The following OTUD7A variants were observed in gnomAD, a reference collection of about 807,000 sequenced individuals.
OTUD7A encodes the protein OTU deubiquitinase 7A.
OTUD7A carries 12 observed loss-of-function variants against 65.7 expected under a neutral mutation model. That is an observed-to-expected ratio of 0.18 (90% CI 0.12 to 0.30). The LOEUF is 0.30. OTUD7A is among the 10% of genes least tolerant of loss of function. The pLI is 1.00. For missense variants in OTUD7A, 1,148 were observed against 1,304.8 expected, an observed-to-expected ratio of 0.88 and a Z score of 1.85; for synonymous variants, 641 against 586.3, an observed-to-expected ratio of 1.09 and a Z score of -1.35.
chr15:31,756,042 C>T (rs1194039907), intron 1 of OTUD7A, among the ~76,000 whole-genome samples: 1 of 152,202 alleles, frequency 6.6e-6, no homozygotes, highest in Non-Finnish European at 1.5e-5. Context: ...CCAGTGGGGA[C>T]TCCGCTGAAG....
intron 8 of OTUD7A, among the ~76,000 whole-genome samples, chr15:31,513,178 C>A (rs2141101344): frequency 6.6e-6 from 1 of 152,332 alleles, no homozygotes; most frequent in South Asian, 2.1e-4. Flanking sequence ...ACCCAATTAA[C>A]CTTATTTTAA....
intron 3 of OTUD7A, 62 bp downstream of exon 3, chr15:31,655,034 T>C: frequency 1.3e-6 from 2 of 1,543,276 alleles, no homozygotes; most frequent in Non-Finnish European, 1.8e-6. Flanking sequence ...ATTGGAAATC[T>C]TCTTATTTGG....
chr15:31,548,215 G>C (rs560908363), intron 5 of OTUD7A, among the ~76,000 whole-genome samples: 8 of 67,262 alleles, frequency 1.2e-4, no homozygotes, highest in South Asian at 8.7e-4. Context: ...TCATCTGTGG[G>C]CGCCCTGGGC....
At chr15:31,771,333 C>T (rs565443744) in intron 1 of OTUD7A, among the ~76,000 whole-genome samples, 1 of 152,310 alleles carries the variant, frequency 6.6e-6, no homozygotes, top group East Asian at 1.9e-4. Flanking sequence ...GCATCTCAAA[C>T]TTAATATGCC....
At chr15:31,767,366 T>C (rs1895117938) in intron 1 of OTUD7A, 1 of 776,758 alleles carries the variant, frequency 1.3e-6, no homozygotes, top group African/African-American at 1.7e-5. Context: ...CAGGGAGATC[T>C]AGAAAATAAT....
intron 1 of OTUD7A, among the ~76,000 whole-genome samples, chr15:31,829,212 G>T (rs536495399): frequency 6.6e-6 from 1 of 152,352 alleles, no homozygotes; most frequent in Admixed American, 6.5e-5. Flanking sequence ...GAGGACAGGG[G>T]TGGCACTAGA....
chr15:31,611,250 A>T (rs1450705985), intron 3 of OTUD7A, among the ~76,000 whole-genome samples: 1 of 152,216 alleles, frequency 6.6e-6, no homozygotes, highest in Admixed American at 6.5e-5. Context: ...AAGGAACTAG[A>T]GAAACAAGAA....
chr15:31,534,505 G>A (rs1222032275), intron 5 of OTUD7A, among the ~76,000 whole-genome samples: 1 of 152,096 alleles, frequency 6.6e-6, no homozygotes, highest in African/African-American at 2.4e-5. Context: ...ACAAAGATGC[G>A]CCCTCTCTCC....
At chr15:31,560,734 CT>C (rs140135248) in intron 4 of OTUD7A, among the ~76,000 whole-genome samples, 14,288 of 152,210 alleles carry the variant, frequency 0.094, 2,268 homozygotes, top group African/African-American at 0.33. Context: ...TGGCAAATTC[CT>C]GAGGCTATTC....
chr15:31,772,786 T>C (rs1895275253), intron 1 of OTUD7A, among the ~76,000 whole-genome samples: 2 of 152,358 alleles, frequency 1.3e-5, no homozygotes, highest in African/African-American at 4.8e-5. Context: ...GCACCTACAA[T>C]ATACTTTATA....
At chr15:31,531,587 AG>A (rs1887625946) in intron 5 of OTUD7A, among the ~76,000 whole-genome samples, 1 of 151,948 alleles carries the variant, frequency 6.6e-6, no homozygotes, top group African/African-American at 2.4e-5. Flanking sequence ...ATACCAGGAA[AG>A]GGGTAGCTTA....
At chr15:31,866,617 T>G (rs1897882806) in intron 1 of OTUD7A, among the ~76,000 whole-genome samples, 1 of 152,150 alleles carries the variant, frequency 6.6e-6, no homozygotes, top group Non-Finnish European at 1.5e-5. Context: ...AATAGGCAAA[T>G]AAAATTCTTT....
chr15:31,604,568 A>G (rs1890181878), intron 3 of OTUD7A, among the ~76,000 whole-genome samples: 2 of 152,210 alleles, frequency 1.3e-5, no homozygotes, highest in African/African-American at 4.8e-5. Flanking sequence ...CATTCTGCAC[A>G]TTCTGCACAT....
At chr15:31,530,598 C>T (rs1305622363) in intron 6 of OTUD7A, 109 bp downstream of exon 6, 60 of 988,038 alleles carry the variant, frequency 6.1e-5, no homozygotes, top group Non-Finnish European at 8.6e-5. Flanking sequence ...ACATGGGTGA[C>T]TCTATTTAGT....
intron 1 of OTUD7A, among the ~76,000 whole-genome samples, chr15:31,814,616 T>C (rs967442704): frequency 3.3e-5 from 5 of 151,952 alleles, no homozygotes; most frequent in African/African-American, 1.2e-4. Context: ...CTCTGCCTCC[T>C]GGGTTCAAGT....
chr15:31,483,664 A>G lies in OTUD7A; in HGVS notation c.2432T>C (p.Leu811Pro). The G allele has an allele frequency of 8.6e-7, 1 of 1,167,526 alleles. No individual in the cohort carries two copies. The highest frequency in any genetic ancestry group is 1.6e-5 in the African/African-American group (1 of 61,126). The allele number at this position is 1,167,526 out of a possible 1,614,324, so 72.3% of individuals were successfully genotyped here. Residue 811 changes from leucine (L) to proline (P), a missense_variant, in exon 13 of 13, where the codon CTG (leucine) becomes CCG (proline). Around this residue, in one of 6 missense-constraint regions of OTUD7A, gnomAD observed 842 missense variants for 769.5 expected, o/e 1.09. Transcript: ENST00000307050. ...CATYPQQNRSLSSQSYSPARA... is the reference protein window; with the variant it reads ...CATYPQQNRSPSSQSYSPARA... ...CGCCGGGCTGTAGCTCTGCGACGAC[A>G]GCGAGCGGTTCTGCTGCGGGTACGT...
chr15:31,743,726 T>C (rs1318721832), intron 1 of OTUD7A, among the ~76,000 whole-genome samples: 1 of 151,250 alleles, frequency 6.6e-6, no homozygotes, highest in Non-Finnish European at 1.5e-5. Flanking sequence ...GGCCAACATG[T>C]TGAAACCCCA....
chr15:31,486,516 T>C (rs2041238796), intron 12 of OTUD7A, among the ~76,000 whole-genome samples: 1 of 152,244 alleles, frequency 6.6e-6, no homozygotes. Flanking sequence ...CAAATCCTTT[T>C]CCCTGGCAGT....
intron 3 of OTUD7A, among the ~76,000 whole-genome samples, chr15:31,615,859 A>G (rs1431545115): frequency 6.6e-6 from 1 of 152,168 alleles, no homozygotes; most frequent in Non-Finnish European, 1.5e-5. Flanking sequence ...CCGCGGTCTG[A>G]GTCTTGGCAG....
Sources: gnomAD v4.1 joint callset for allele counts (sites outside exome capture counted in the v4.1 genomes callset) on GRCh38, gnomAD v4.1.1 for gene constraint, gnomAD v4.1.1 regional missense constraint, MANE v1.5 for transcripts, NCBI Gene and HGNC (gene_info 2026-07-23, HGNC 2026-07-21) for gene names.